AKNAD1: variants seen among roughly 807,000 people sequenced by gnomAD.
The protein encoded by AKNAD1 is protein AKNAD1.
In AKNAD1, 67 loss-of-function variants were observed where a neutral mutation model predicts 90.8. That is an observed-to-expected ratio of 0.74 (90% CI 0.61 to 0.90). AKNAD1 has a LOEUF of 0.90. AKNAD1 is among the 40% of genes least tolerant of loss of function. The pLI is 0.00. For synonymous variants in AKNAD1, 327 were observed against 341.4 expected, an observed-to-expected ratio of 0.96 and a Z score of 0.46; for missense variants, 957 against 975.4, an observed-to-expected ratio of 0.98 and a Z score of 0.25.
At chr1:108,853,083 T>A (rs1172173919) in intron 1 of AKNAD1, among the ~76,000 whole-genome samples, 1 of 151,866 alleles carries the variant, frequency 6.6e-6, no homozygotes, top group Non-Finnish European at 1.5e-5. Flanking sequence ...GAGTTTATTC[T>A]CCCAAAGTAG....
chr1:108,853,300 T>A (rs1310239822), intron 1 of AKNAD1, among the ~76,000 whole-genome samples: 1 of 151,784 alleles, frequency 6.6e-6, no homozygotes, highest in Non-Finnish European at 1.5e-5. Flanking sequence ...CCCAGCTAAT[T>A]TTTTGTATTT....
At chr1:108,824,873 C>A (rs757537860) in intron 11 of AKNAD1, among the ~76,000 whole-genome samples, 2 of 151,644 alleles carry the variant, frequency 1.3e-5, no homozygotes, top group Non-Finnish European at 2.9e-5. Flanking sequence ...AGCCTAATTC[C>A]TCTCTCCTTG....
At chr1:108,816,356 T>C in intron 15 of AKNAD1, 54 bp from the exon 16 acceptor site, 1 of 1,542,506 alleles carries the variant, frequency 6.5e-7, no homozygotes, top group South Asian at 1.2e-5. Flanking sequence ...GCTGTTTCTG[T>C]TCTTTGGGTT....
At chr1:108,838,725 GA>G (rs1664452458) in intron 6 of AKNAD1, among the ~76,000 whole-genome samples, 1 of 151,754 alleles carries the variant, frequency 6.6e-6, no homozygotes, top group Non-Finnish European at 1.5e-5. Context: ...AATGAGAAAG[GA>G]AAAATAGGAA....
chr1:108,825,424 C>T (rs1211463403), intron 11 of AKNAD1, among the ~76,000 whole-genome samples: 1 of 151,700 alleles, frequency 6.6e-6, no homozygotes, highest in Non-Finnish European at 1.5e-5. Flanking sequence ...TAAAGATAAT[C>T]ATTCCTGCAT....
At position 108,823,291 on chromosome 1, in the gene AKNAD1, G is replaced by A. The variant is rs765814908; in HGVS notation, c.2167+79C>T. 4.4e-6 allele frequency: 5 copies of A among 1,136,368 alleles called. 1 individual carries two copies. The South Asian group carries it at 6.2e-5, about 14-fold the overall frequency. The allele number at this position is 1,136,368 out of a possible 1,614,324, so 70.4% of individuals were successfully genotyped here. On this transcript the variant is annotated intron_variant, in intron 13 of 15. Transcript: ENST00000370001. ...CCAGGGCTTCCCAGATGGAAGCAGT[G>A]GCCAGTGTCATGTGAATGTCCCATA...
chr1:108,826,742 CTT>C (rs1363102278), intron 11 of AKNAD1, among the ~76,000 whole-genome samples: 10 of 59,482 alleles, frequency 1.7e-4, no homozygotes, highest in Non-Finnish European at 2.9e-4. Context: ...TTTTCTTTTT[CTT>C]TTTTTTTTTT....
chr1:108,834,993 C>T lies in AKNAD1; in HGVS notation c.1600G>A (p.Gly534Arg). Reference sequence around the variant, plus strand: ...TCCTGCGGCCCTCCTTGGGGTGTCCCTGTTACCTCACTCCCACCTGAGCCT... The same window carrying T: ...TCCTGCGGCCCTCCTTGGGGTGTCCTTGTTACCTCACTCCCACCTGAGCCT... ...PRGSGGSEVT[G>R]TPQGGPQEAP... Residue 534 changes from glycine to arginine, a missense_variant, in exon 8 of 16, where the codon GGG becomes AGG. By Grantham distance (125) the Gly-to-Arg change is moderately radical. Coordinates refer to ENST00000370001, the MANE Select transcript of AKNAD1 (RefSeq NM_152763.5). 1.3e-6 allele frequency: 2 copies of T among 1,567,328 alleles called. No individual in the cohort carries two copies. The highest frequency in any genetic ancestry group is 8.6e-7 in the Non-Finnish European group (1 of 1,164,148).
chr1:108,857,563 C>A (rs1331186906), upstream of AKNAD1: 1 of 152,662 alleles, frequency 6.6e-6, no homozygotes, highest in Non-Finnish European at 1.5e-5. Flanking sequence ...TCCATATTGA[C>A]AGGATTGTTT....
chr1:108,851,777 G>A lies in AKNAD1; in HGVS notation c.888C>T (p.Pro296=), dbSNP rs761807775. The part of the protein sequence containing the change: ...ASFSSKSRDK[P]TLVQDSLETT... ...TTTCTAGACTATCTTGCACAAGAGT[G>A]GGTTTATCTCTCGACTTGGAAGAAA... Residue 296 remains proline, a synonymous_variant, in exon 2 of 16, where the codon CCC becomes CCT. Transcript: ENST00000370001. 3.7e-6 allele frequency: 6 copies of A among 1,614,046 alleles called. No homozygotes were observed. The South Asian group carries it at 4.4e-5, about 12-fold the overall frequency.
rs1359070488 is a variant in AKNAD1, at chr1:108,852,394, A to G, written c.271T>C (p.Cys91Arg). 13 of 1,613,938 alleles carry G rather than the reference A, an allele frequency of 8.1e-6. No individual in the cohort carries two copies. In the South Asian group the frequency reaches 9.9e-5, roughly 12 times the overall value. ...GCTGGAATATGAAGAGCTGCAGTGC[A>G]TTGTTTCTCTTTCTCGTCTTTTTTG... ...ANKKDEKEKQ[C>R]TAALHIPANE... The change falls in exon 2 of 16, where the codon TGC becomes CGC. Residue 91 changes from cysteine to arginine, a missense_variant. Physicochemically the swap from Cys to Arg is radical, Grantham distance 180. Coordinates refer to ENST00000370001, the MANE Select transcript of AKNAD1 (RefSeq NM_152763.5).
chr1:108,835,182 C>G, intron 7 of AKNAD1, 126 bp from the exon 8 acceptor site: 1 of 1,016,108 alleles, frequency 9.8e-7, no homozygotes, highest in South Asian at 1.9e-5. Flanking sequence ...TCCCCCCACC[C>G]CTGTCTCCCC....
At chr1:108,842,704 G>A (rs1478099981) in intron 6 of AKNAD1, among the ~76,000 whole-genome samples, 1 of 152,130 alleles carries the variant, frequency 6.6e-6, no homozygotes, top group African/African-American at 2.4e-5. Flanking sequence ...GGACAATAAA[G>A]GCAGGTGTGG....
At chr1:108,830,676 G>C (rs1557829374) in intron 9 of AKNAD1, 26 bp from the exon 10 acceptor site, 2 of 1,610,694 alleles carry the variant, frequency 1.2e-6, no homozygotes, top group East Asian at 4.5e-5. Flanking sequence ...CACAGATGGA[G>C]ATGTGATAGA....
intron 11 of AKNAD1, among the ~76,000 whole-genome samples, chr1:108,826,739 T>TC (rs1230446243): frequency 9.4e-6 from 1 of 106,442 alleles, no homozygotes; most frequent in African/African-American, 3.5e-5. Context: ...TTCTTTTCTT[T>TC]TTCTTTTTTT....
At chr1:108,840,831 G>T (rs2101198046) in intron 6 of AKNAD1, among the ~76,000 whole-genome samples, 1 of 152,112 alleles carries the variant, frequency 6.6e-6, no homozygotes, top group East Asian at 1.9e-4. Context: ...TTGGGATCTT[G>T]CAGGCAGAAG....
At chr1:108,842,095 C>G (rs1479519278) in intron 6 of AKNAD1, among the ~76,000 whole-genome samples, 2 of 152,026 alleles carry the variant, frequency 1.3e-5, no homozygotes, top group African/African-American at 4.8e-5. Flanking sequence ...CTTTCTTCCT[C>G]TCCCCCCAAA....
chr1:108,851,759 A>G lies in AKNAD1; in HGVS notation c.906T>C (p.Ser302=), dbSNP rs1394622723. 4 of 1,613,824 alleles carry G rather than the reference A, an allele frequency of 2.5e-6. No homozygotes were observed. In the South Asian group the frequency reaches 4.4e-5, roughly 18 times the overall value. Residue 302 remains serine, a synonymous_variant, in exon 2 of 16, where the codon AGT becomes AGC. Transcript: ENST00000370001. ...AGTTTGACTCAGGCGTGGTTTCTAG[A>G]CTATCTTGCACAAGAGTGGGTTTAT... ...SRDKPTLVQD[S]LETTPESNCV...
chr1:108,828,128 C>G (rs1664071307), intron 10 of AKNAD1, among the ~76,000 whole-genome samples: 2 of 151,420 alleles, frequency 1.3e-5, no homozygotes, highest in African/African-American at 4.8e-5. Context: ...ACAGTTCCTA[C>G]CAGGGGAAGA....
Sources: allele counts gnomAD v4.1 joint callset (sites outside exome capture counted in the v4.1 genomes callset), GRCh38; gene constraint gnomAD v4.1.1; transcripts MANE v1.5; gene names NCBI Gene and HGNC (gene_info 2026-07-23, HGNC 2026-07-21).